ARB2A: variants seen among roughly 807,000 people sequenced by gnomAD.
ARB2A encodes cotranscriptional regulator ARB2A.
chr5:93,940,780 A>G, the ARB2A span, among the ~76,000 whole-genome samples: 1 of 152,096 alleles, frequency 6.6e-6, no homozygotes, highest in African/African-American at 2.4e-5. Context: ...AGTGTAAACT[A>G]TATTTTCATA....
chr5:93,676,948 CTG>C, the ARB2A span, among the ~76,000 whole-genome samples: 3 of 152,116 alleles, frequency 2.0e-5, no homozygotes, highest in Admixed American at 6.5e-5. Context: ...AGATTGGACA[CTG>C]TGTTTTCCTT....
At chr5:93,785,714 T>C in the ARB2A span, among the ~76,000 whole-genome samples, 2 of 152,198 alleles carry the variant, frequency 1.3e-5, no homozygotes, top group African/African-American at 2.4e-5. Flanking sequence ...CTTTGTGCCC[T>C]GTGTTTTCTG....
the ARB2A span, among the ~76,000 whole-genome samples, chr5:94,027,973 C>A: frequency 6.6e-6 from 1 of 152,236 alleles, no homozygotes; most frequent in South Asian, 2.1e-4. Context: ...AGCTGGTGTC[C>A]ATTTGCAAAA....
chr5:93,992,584 A>AAT, the ARB2A span, among the ~76,000 whole-genome samples: 17 of 152,066 alleles, frequency 1.1e-4, no homozygotes, highest in Admixed American at 8.5e-4. Flanking sequence ...AGAAGGATGT[A>AAT]ATATACACCA....
the ARB2A span, among the ~76,000 whole-genome samples, chr5:93,730,355 T>C: frequency 6.6e-6 from 1 of 152,034 alleles, no homozygotes; most frequent in Admixed American, 6.6e-5. Flanking sequence ...AATCCCTGTA[T>C]GGGGAGTCTT....
At chr5:93,722,134 G>T in the ARB2A span, among the ~76,000 whole-genome samples, 1 of 152,094 alleles carries the variant, frequency 6.6e-6, no homozygotes, top group Non-Finnish European at 1.5e-5. Context: ...CACCAGTGGT[G>T]TGTGTATAAA....
the ARB2A span, chr5:93,741,699 C>T: frequency 2.6e-5 from 27 of 1,045,006 alleles, no homozygotes; most frequent in East Asian, 2.9e-4. Flanking sequence ...TGTGCGTAGG[C>T]GGGGAAATCT....
At chr5:93,895,576 A>G in the ARB2A span, among the ~76,000 whole-genome samples, 1 of 152,186 alleles carries the variant, frequency 6.6e-6, no homozygotes, top group Non-Finnish European at 1.5e-5. Context: ...CAAAGACATG[A>G]TAGCACAAAA....
the ARB2A span, among the ~76,000 whole-genome samples, chr5:93,633,726 C>T: frequency 2.1e-3 from 327 of 152,230 alleles, no homozygotes; most frequent in African/African-American, 7.5e-3. Flanking sequence ...AAAATCCAGT[C>T]AGAGATGAGA....
the ARB2A span, among the ~76,000 whole-genome samples, chr5:94,069,256 G>T: frequency 6.6e-6 from 1 of 152,118 alleles, no homozygotes; most frequent in African/African-American, 2.4e-5. Context: ...AATGAAACTG[G>T]AGCCCCATCA....
the ARB2A span, among the ~76,000 whole-genome samples, chr5:94,035,303 T>C: frequency 1.3e-5 from 2 of 151,704 alleles, no homozygotes. Flanking sequence ...TTCCAAGCCC[T>C]TTTGGTGAGT....
chr5:93,970,467 C>G, the ARB2A span, among the ~76,000 whole-genome samples: 1 of 152,016 alleles, frequency 6.6e-6, no homozygotes, highest in Non-Finnish European at 1.5e-5. Flanking sequence ...TTTTAAACAT[C>G]TGAAACATTT....
chr5:93,649,231 G>C, the ARB2A span, among the ~76,000 whole-genome samples: 1 of 152,032 alleles, frequency 6.6e-6, no homozygotes, highest in African/African-American at 2.4e-5. Context: ...ACACTATACT[G>C]AGGGTTCTTA....
the ARB2A span, among the ~76,000 whole-genome samples, chr5:93,821,134 T>C: frequency 6.6e-6 from 1 of 152,200 alleles, no homozygotes; most frequent in Non-Finnish European, 1.5e-5. Flanking sequence ...TATTAAAGCA[T>C]AAGTAATTGC....
At chr5:93,660,660 G>A in the ARB2A span, among the ~76,000 whole-genome samples, 1 of 152,098 alleles carries the variant, frequency 6.6e-6, no homozygotes, top group Non-Finnish European at 1.5e-5. Flanking sequence ...AGATGAAGGG[G>A]AGCAAATGAA....
chr5:93,799,214 T>C, the ARB2A span, among the ~76,000 whole-genome samples: 1 of 152,132 alleles, frequency 6.6e-6, no homozygotes, highest in African/African-American at 2.4e-5. Flanking sequence ...GAAGCAAAGA[T>C]GTTTGGATAG....
chr5:93,810,131 G>A, the ARB2A span, among the ~76,000 whole-genome samples: 1 of 151,284 alleles, frequency 6.6e-6, no homozygotes, highest in South Asian at 2.1e-4. Context: ...TTCTTTAAAT[G>A]AAGAGTTCCT....
At chr5:94,091,759 C>G in the ARB2A span, among the ~76,000 whole-genome samples, 1 of 152,088 alleles carries the variant, frequency 6.6e-6, no homozygotes, top group African/African-American at 2.4e-5. Flanking sequence ...AGATTGTGGA[C>G]GCTCACTTAG....
At chr5:94,107,363 C>T in the ARB2A span, among the ~76,000 whole-genome samples, 17 of 152,082 alleles carry the variant, frequency 1.1e-4, no homozygotes, top group South Asian at 1.9e-3. Context: ...GTAAATTAAT[C>T]AATTTTAATT....
Sources: gnomAD v4.1 joint callset for allele counts (sites outside exome capture counted in the v4.1 genomes callset) on GRCh38, gnomAD v4.1.1 for gene constraint, MANE v1.5 for transcripts, NCBI Gene and HGNC (gene_info 2026-07-23, HGNC 2026-07-21) for gene names.